The following MPHOSPH8 variants were observed in gnomAD, a reference collection of about 807,000 sequenced individuals.
The protein encoded by MPHOSPH8 is M-phase phosphoprotein 8.
MPHOSPH8 carries 45 observed loss-of-function variants against 87.3 expected under a neutral mutation model. The ratio of observed to expected loss-of-function variants is 0.52; its 90% CI spans 0.41 to 0.66. The LOEUF (loss-of-function observed/expected upper bound fraction) is 0.66, where lower values mean the gene tolerates loss of function less well. Among genes scored for constraint, MPHOSPH8 ranks in the 30% least tolerant of loss-of-function variants. The probability of loss-of-function intolerance (pLI) is 0.00; values close to 1 mark genes in which losing one functional copy is unlikely to be tolerated. For synonymous variants in MPHOSPH8, 366 were observed against 376.9 expected (o/e 0.97, Z 0.33); for missense variants, 883 against 1,020.2 (o/e 0.87, Z 1.83).
intron 12 of MPHOSPH8, chr13:19,670,770 T>C (rs1432987106): frequency 1.8e-5 from 22 of 1,204,028 alleles, no homozygotes; most frequent in Admixed American, 3.5e-5. Flanking sequence ...GTTTCCCAGA[T>C]TGATTCTGTC....
At chr13:19,651,830 C>A (rs150266065) in intron 5 of MPHOSPH8, among the ~76,000 whole-genome samples, 1 of 152,008 alleles carries the variant, frequency 6.6e-6, no homozygotes, top group African/African-American at 2.4e-5. Context: ...CTGGGCACGG[C>A]GGCTCACACC....
intron 2 of MPHOSPH8, among the ~76,000 whole-genome samples, chr13:19,645,498 G>A (rs1430331049): frequency 6.6e-6 from 1 of 152,082 alleles, no homozygotes; most frequent in South Asian, 2.1e-4. Context: ...CTGGCCAGGC[G>A]CCGTGGCTCA....
intron 10 of MPHOSPH8, 65 bp from the exon 11 acceptor site, chr13:19,668,312 G>A: frequency 2.0e-6 from 3 of 1,464,306 alleles, no homozygotes; most frequent in Non-Finnish European, 1.9e-6. Context: ...AGCCCTCACT[G>A]GTATTCGACA....
intron 11 of MPHOSPH8, among the ~76,000 whole-genome samples, chr13:19,668,952 C>G (rs1875970275): frequency 6.6e-6 from 1 of 152,208 alleles, no homozygotes. Flanking sequence ...TCGACAGACC[C>G]TCTCCAGGCA....
intron 9 of MPHOSPH8, among the ~76,000 whole-genome samples, chr13:19,665,369 A>G (rs1875755904): frequency 6.6e-6 from 1 of 152,212 alleles, no homozygotes; most frequent in African/African-American, 2.4e-5. Context: ...GAAAGTGTGT[A>G]ACATTGGTCC....
At chr13:19,658,893 T>C (rs1875352492) in intron 5 of MPHOSPH8, 102 bp from the exon 6 acceptor site, 2 of 1,384,678 alleles carry the variant, frequency 1.4e-6, no homozygotes, top group Admixed American at 2.2e-5. Context: ...GTTAAAAGTG[T>C]ACATAAAGCT....
chr13:19,647,642 T>C (rs956832946), intron 3 of MPHOSPH8, among the ~76,000 whole-genome samples: 1 of 152,212 alleles, frequency 6.6e-6, no homozygotes, highest in African/African-American at 2.4e-5. Context: ...GTCTTGAGTA[T>C]ACCACTATTA....
chr13:19,647,299 C>T lies in MPHOSPH8; in HGVS notation c.1218+8C>T. ...ACGGACTCAGCCGAGGAGGTAAGGG[C>T]CACGGGAGGCAGCAGAAAACCCATG... On this transcript the variant is annotated splice_region_variant and intron_variant, in intron 3 of 13. Transcript: ENST00000361479. The T allele has an allele frequency of 1.3e-6, 2 of 1,570,608 alleles. No individual in the cohort carries two copies. The highest frequency in any genetic ancestry group is 8.6e-7 in the Non-Finnish European group (1 of 1,165,024).
At chr13:19,641,480 C>CTTTTTTTTT (rs869295535) in intron 1 of MPHOSPH8, among the ~76,000 whole-genome samples, 1 of 72,258 alleles carries the variant, frequency 1.4e-5, no homozygotes, top group African/African-American at 7.9e-5. Flanking sequence ...GTGCCACCAT[C>CTTTTTTTTT]TTTTTTTTTT....
Position 19,659,035 on chromosome 13 carries a change from G to C in MPHOSPH8, c.1617G>C (p.Gln539His). 6.2e-7 allele frequency: 1 copy of C among 1,614,158 alleles called. No individual in the cohort carries two copies. The highest frequency in any genetic ancestry group is 8.5e-7 in the Non-Finnish European group (1 of 1,180,018). ...TTCTGAGTTTGGGCATGGACCTGCAGTTGGAATGGATGAAGTTGGAAGATT... is the reference window on the plus strand; with the variant it reads ...TTCTGAGTTTGGGCATGGACCTGCACTTGGAATGGATGAAGTTGGAAGATT... Reference protein sequence around the residue: ...QQILSLGMDLQLEWMKLEDFQ... With the variant: ...QQILSLGMDLHLEWMKLEDFQ... Residue 539 changes from glutamine (Q) to histidine (H), a missense_variant, in exon 6 of 14, where the codon CAG becomes CAC. Gln to His is a conservative substitution (Grantham distance 24, BLOSUM62 0). This residue lies in a region of MPHOSPH8 where 741 missense variants were observed against 841.5 expected (regional missense o/e 0.88). Transcript: ENST00000361479.
At chr13:19,642,670 G>C (rs934849254) in intron 2 of MPHOSPH8, among the ~76,000 whole-genome samples, 4 of 150,466 alleles carry the variant, frequency 2.7e-5, no homozygotes, top group African/African-American at 9.9e-5. Flanking sequence ...CAAATTATCT[G>C]GTGAGGACCT....
At chr13:19,650,999 G>A (rs1440587398) in intron 5 of MPHOSPH8, among the ~76,000 whole-genome samples, 4 of 152,198 alleles carry the variant, frequency 2.6e-5, no homozygotes, top group Non-Finnish European at 4.4e-5. Context: ...GAGGTATGTC[G>A]CCCAGAGGGC....
Position 19,668,512 on chromosome 13 carries a change from C to A in MPHOSPH8, c.2310C>A (p.Pro770=). The part of the protein sequence containing the change: ...PDFSTDFNYK[P]PQNIPEGSGI... Reference sequence around the variant, plus strand: ...TTTCAACAGATTTCAATTACAAACCCCCACAGAACATACCAGAAGGTAAGC... The same window carrying A: ...TTTCAACAGATTTCAATTACAAACCACCACAGAACATACCAGAAGGTAAGC... The change falls in exon 11 of 14, where the codon CCC becomes CCA. Residue 770 remains proline (P), a synonymous_variant. Coordinates refer to ENST00000361479, the MANE Select transcript of MPHOSPH8 (RefSeq NM_017520.4). The A allele has an allele frequency of 6.2e-7, 1 of 1,614,058 alleles. No homozygotes were observed. The highest frequency in any genetic ancestry group is 2.2e-5 in the East Asian group (1 of 44,874).
chr13:19,642,355 T>A, intron 2 of MPHOSPH8, 85 bp downstream of exon 2: 1 of 1,146,802 alleles, frequency 8.7e-7, no homozygotes, highest in Non-Finnish European at 1.2e-6. Context: ...GTAAATGATT[T>A]ACAAATAACA....
intron 10 of MPHOSPH8, among the ~76,000 whole-genome samples, chr13:19,667,381 C>T (rs897525424): frequency 6.6e-6 from 1 of 152,240 alleles, no homozygotes; most frequent in African/African-American, 2.4e-5. Context: ...TCCCCTGGAG[C>T]GCAGCATTGA....
intron 3 of MPHOSPH8, among the ~76,000 whole-genome samples, chr13:19,647,815 T>C (rs1051251074): frequency 6.6e-6 from 1 of 152,204 alleles, no homozygotes; most frequent in Non-Finnish European, 1.5e-5. Context: ...TATCAAGGGC[T>C]ATAAAAAACA....
chr13:19,668,319 G>A (rs1875929958), intron 10 of MPHOSPH8, 58 bp from the exon 11 acceptor site: 5 of 1,520,232 alleles, frequency 3.3e-6, no homozygotes, highest in South Asian at 2.4e-5. Context: ...ACTGGTATTC[G>A]ACAGGCTTGT....
chr13:19,650,953 T>G (rs965054968), intron 5 of MPHOSPH8, among the ~76,000 whole-genome samples: 2 of 152,046 alleles, frequency 1.3e-5, no homozygotes, highest in Admixed American at 6.6e-5. Flanking sequence ...TTGCAGGAAA[T>G]TAGGGTAATT....
Position 19,672,047 on chromosome 13 carries a change from A to C in MPHOSPH8, c.*172A>C. 1.6e-6 allele frequency: 1 copy of C among 642,286 alleles called. No individual in the cohort carries two copies. The highest frequency in any genetic ancestry group is 2.7e-6 in the Non-Finnish European group (1 of 367,840). The allele number at this position is 642,286 out of a possible 1,614,324, so 39.8% of individuals were successfully genotyped here. On this transcript the variant is annotated 3_prime_UTR_variant, in exon 14 of 14. Coordinates refer to ENST00000361479, the MANE Select transcript of MPHOSPH8 (RefSeq NM_017520.4). ...GATGCGACATAGCTGTGTCTGTGCC[A>C]GTATGCCGGAATCTCAGTGCAGTGT...
Sources: allele counts gnomAD v4.1 joint callset (sites outside exome capture counted in the v4.1 genomes callset), GRCh38; gene constraint gnomAD v4.1.1; regional missense constraint gnomAD v4.1.1; transcripts MANE v1.5; gene names NCBI Gene and HGNC (gene_info 2026-07-23, HGNC 2026-07-21).